Variants in AGBL4 observed in about 807,000 individuals in gnomAD.
The protein encoded by AGBL4 is AGBL carboxypeptidase 4.
A neutral mutation model predicts 66.4 loss-of-function variants in AGBL4; 58 were observed. The observed-to-expected ratio is 0.87, with a 90% CI of 0.71 to 1.09. The LOEUF is 1.09. Among genes scored for constraint, AGBL4 ranks in the 50% least tolerant of loss-of-function variants. The probability of loss-of-function intolerance (pLI) is 0.00; values close to 1 mark genes in which losing one functional copy is unlikely to be tolerated. For missense variants in AGBL4, 579 were observed against 631.0 expected, an observed-to-expected ratio of 0.92 and a Z score of 0.88; for synonymous variants, 234 against 222.9, an observed-to-expected ratio of 1.05 and a Z score of -0.44.
chr1:48,590,482 G>GGAGATAGA lies in AGBL4; in HGVS notation c.1104+343_1104+350dup, dbSNP rs566059923. ...GAGGTGGGAGGATTACTTGATCTTG[G>GGAGATAGA]GAGATAGAGGCTGCAGTGAGCCATG... On this transcript the variant is annotated intron_variant, in intron 10 of 13. Coordinates refer to ENST00000371839, the MANE Select transcript of AGBL4 (RefSeq NM_032785.4). Among the ~76,000 whole-genome samples the GGAGATAGA allele has an allele frequency of 2.6e-3, 392 of 151,974 alleles. 2 individuals carry two copies. The highest frequency in any genetic ancestry group is 8.9e-3 in the African/African-American group (367 of 41,422).
At chr1:49,939,882 A>G (rs928606657) in intron 1 of AGBL4, among the ~76,000 whole-genome samples, 32 of 152,240 alleles carry the variant, frequency 2.1e-4, no homozygotes, top group Non-Finnish European at 4.4e-4. Flanking sequence ...GCTTCTGCAC[A>G]GCAAAAGAAA....
rs1319266330 is a variant in AGBL4 at position 49,045,655 on chromosome 1, G to C, written c.523C>G (p.Gln175Glu). The C allele has an allele frequency of 5.0e-6, 8 of 1,591,754 alleles. No homozygotes were observed. Among genetic ancestry groups the C allele is most frequent in the Non-Finnish European group, 6.8e-6 (8 of 1,167,924 alleles). Residue 175 changes from glutamine (Q) to glutamate (E), a missense_variant, in exon 5 of 14, where the codon CAA becomes GAA. Physicochemically the swap from Gln to Glu is conservative, Grantham distance 29. Transcript: ENST00000371839. ...YCYPYTYTRF[Q>E]HYLDSLQKRN... Reference sequence around the variant, plus strand: ...TTTTGCAGGCTGTCAAGGTAATGTTGGAAGCGAGTGTATGTATATGGGTAG... The same window carrying C: ...TTTTGCAGGCTGTCAAGGTAATGTTCGAAGCGAGTGTATGTATATGGGTAG...
In AGBL4 at chr1:49,296,022, A is replaced by G. The variant is rs527538357; in HGVS notation, c.283-50158T>C. Among the ~76,000 whole-genome samples, 33 of 152,316 alleles carry G rather than the reference A, an allele frequency of 2.2e-4. No individual in the cohort carries two copies. In the South Asian group the frequency reaches 6.0e-3, roughly 28 times the overall value. ...TGGCAACTACAAGTTGCTGAAATGT[A>G]CCAGAGTAATTGCGTATTATTGAGA... On this transcript the variant is annotated intron_variant, in intron 3 of 13. Coordinates refer to ENST00000371839, the MANE Select transcript of AGBL4 (RefSeq NM_032785.4).
At chr1:48,883,443 T>G (rs1032897004) in intron 5 of AGBL4, among the ~76,000 whole-genome samples, 3 of 152,178 alleles carry the variant, frequency 2.0e-5, no homozygotes, top group Non-Finnish European at 4.4e-5. Context: ...AGATTACTCA[T>G]TTATAGACTG....
At chr1:49,776,354 A>T (rs1644197153) in intron 2 of AGBL4, among the ~76,000 whole-genome samples, 1 of 152,160 alleles carries the variant, frequency 6.6e-6, no homozygotes, top group African/African-American at 2.4e-5. Context: ...AGTAGCCAGA[A>T]ATAACTTCTC....
intron 3 of AGBL4, among the ~76,000 whole-genome samples, chr1:49,340,605 G>A (rs1045944962): frequency 5.3e-5 from 8 of 152,076 alleles, no homozygotes; most frequent in East Asian, 1.9e-4. Flanking sequence ...CATACATACC[G>A]CCATCAAAAA....
intron 6 of AGBL4, among the ~76,000 whole-genome samples, chr1:48,707,267 C>A (rs766668058): frequency 6.6e-6 from 1 of 152,162 alleles, no homozygotes; most frequent in Non-Finnish European, 1.5e-5. Flanking sequence ...GCACTCCAGC[C>A]TGGGTGACAG....
At chr1:49,655,557 T>G (rs1304815846) in intron 3 of AGBL4, among the ~76,000 whole-genome samples, 1 of 152,200 alleles carries the variant, frequency 6.6e-6, no homozygotes, top group Non-Finnish European at 1.5e-5. Flanking sequence ...TAAAGCAGTG[T>G]GTAGAGGGAA....
chr1:49,731,036 C>T (rs899719972), intron 2 of AGBL4, among the ~76,000 whole-genome samples: 2 of 152,130 alleles, frequency 1.3e-5, no homozygotes, highest in African/African-American at 2.4e-5. Context: ...TATTCTCCAG[C>T]TTCTGGTTGG....
Position 49,449,265 on chromosome 1 carries a change from C to T in AGBL4, c.283-203401G>A, listed in dbSNP as rs183201832. 1.6e-3 allele frequency among the ~76,000 whole-genome samples: 240 copies of T among 152,120 alleles called. 2 individuals carry two copies. Among genetic ancestry groups the T allele is most frequent in the African/African-American group, 4.9e-3 (204 of 41,542 alleles). Reference sequence around the variant, plus strand: ...ACTCCAAAGCTCATTCTCTGATATACTGTGTTACATGAGAGTATTTTAAAT... The same window carrying T: ...ACTCCAAAGCTCATTCTCTGATATATTGTGTTACATGAGAGTATTTTAAAT... On this transcript the variant is annotated intron_variant, in intron 3 of 13. Transcript: ENST00000371839.
chr1:48,526,422 G>C, the AGBL4 span, among the ~76,000 whole-genome samples: 1 of 152,190 alleles, frequency 6.6e-6, no homozygotes, highest in Non-Finnish European at 1.5e-5. Context: ...GGTGTTGTGA[G>C]GATTGCATCA....
chr1:49,016,239 T>A (rs1437009925), intron 5 of AGBL4, among the ~76,000 whole-genome samples: 1 of 152,180 alleles, frequency 6.6e-6, no homozygotes, highest in Non-Finnish European at 1.5e-5. Context: ...CCCCTCAGCA[T>A]GCCAGTGGGG....
At chr1:49,525,778 T>C (rs1650608939) in intron 3 of AGBL4, among the ~76,000 whole-genome samples, 2 of 152,004 alleles carry the variant, frequency 1.3e-5, no homozygotes, top group South Asian at 2.1e-4. Context: ...AGAAACCTAA[T>C]GATGGCTGCA....
chr1:48,548,342 C>T (rs1429485587), intron 11 of AGBL4, among the ~76,000 whole-genome samples: 3 of 151,952 alleles, frequency 2.0e-5, no homozygotes, highest in Admixed American at 6.5e-5. Flanking sequence ...AGCACCAAAG[C>T]GGAGTTAATC....
chr1:49,672,225 A>G (rs1646491064), intron 3 of AGBL4, among the ~76,000 whole-genome samples: 1 of 152,272 alleles, frequency 6.6e-6, no homozygotes, highest in Non-Finnish European at 1.5e-5. Flanking sequence ...TTAGTAAACT[A>G]ACACAAGAAC....
At chr1:49,846,129 A>G (rs1646136315) in intron 2 of AGBL4, 1 of 1,483,558 alleles carries the variant, frequency 6.7e-7, no homozygotes, top group Non-Finnish European at 9.4e-7. Context: ...ATCAAACACC[A>G]GAGGATTCAT....
intron 6 of AGBL4, among the ~76,000 whole-genome samples, chr1:48,795,980 G>A (rs1460889684): frequency 6.6e-6 from 1 of 152,152 alleles, no homozygotes; most frequent in Non-Finnish European, 1.5e-5. Flanking sequence ...ATCATGTGTA[G>A]ATGCATGTGA....
rs1558160181 is a variant in AGBL4, at chr1:49,683,975, C to T, written c.282+13338G>A. ...AGTAATCAGCATTTAGTTTATCATC[C>T]TGCAGAATGGCACAAGAAAGTTAGC... On this transcript the variant is annotated intron_variant, in intron 3 of 13. Transcript: ENST00000371839. Among the ~76,000 whole-genome samples the T allele has an allele frequency of 2.6e-5, 4 of 152,094 alleles. No individual in the cohort carries two copies. In the South Asian group the frequency reaches 8.3e-4, roughly 32 times the overall value.
chr1:49,539,689 T>C (rs1333811596), intron 3 of AGBL4, among the ~76,000 whole-genome samples: 1 of 152,202 alleles, frequency 6.6e-6, no homozygotes, highest in East Asian at 1.9e-4. Flanking sequence ...ATGACTTTTC[T>C]GGCCTTGCCT....
Sources: gnomAD v4.1 joint callset for allele counts (sites outside exome capture counted in the v4.1 genomes callset) on GRCh38, gnomAD v4.1.1 for gene constraint, MANE v1.5 for transcripts, NCBI Gene and HGNC (gene_info 2026-07-23, HGNC 2026-07-21) for gene names.